The following ANKRD13C variants were observed in gnomAD, a reference collection of about 807,000 sequenced individuals.
ANKRD13C encodes the protein ankyrin repeat domain-containing protein 13C.
In ANKRD13C, 16 loss-of-function variants were observed where a neutral mutation model predicts 65.5. The ratio of observed to expected loss-of-function variants is 0.24; its 90% CI spans 0.17 to 0.37. The LOEUF (loss-of-function observed/expected upper bound fraction) is 0.37, where lower values mean the gene tolerates loss of function less well. ANKRD13C is among the 10% of genes least tolerant of loss of function. The probability of loss-of-function intolerance (pLI) is 1.00; values close to 1 mark genes in which losing one functional copy is unlikely to be tolerated. For synonymous variants in ANKRD13C, 235 were observed against 238.7 expected (o/e 0.98, Z 0.14); for missense variants, 503 against 655.9 (o/e 0.77, Z 2.55).
At chr1:70,267,199 T>C (rs578074606) in intron 12 of ANKRD13C, among the ~76,000 whole-genome samples, 60 of 152,312 alleles carry the variant, frequency 3.9e-4, no homozygotes, top group African/African-American at 1.4e-3. Flanking sequence ...TCTAATAATT[T>C]TCTTTGCTCT....
chr1:70,298,343 T>C (rs1240246178), intron 7 of ANKRD13C, among the ~76,000 whole-genome samples: 2 of 152,136 alleles, frequency 1.3e-5, no homozygotes, highest in African/African-American at 4.8e-5. Flanking sequence ...TTTTAATTAA[T>C]TACATTGCTT....
chr1:70,315,313 TCTA>T (rs1681028833), intron 4 of ANKRD13C, among the ~76,000 whole-genome samples, 165 bp downstream of exon 4: 1 of 152,134 alleles, frequency 6.6e-6, no homozygotes, highest in African/African-American at 2.4e-5. Flanking sequence ...CTGAGGTGCT[TCTA>T]CTAAGATCAC....
intron 3 of ANKRD13C, among the ~76,000 whole-genome samples, chr1:70,323,309 T>G (rs1302545052): frequency 6.6e-6 from 1 of 152,204 alleles, no homozygotes; most frequent in African/African-American, 2.4e-5. Flanking sequence ...ATTACAATTT[T>G]ATCTCAGTAA....
intron 1 of ANKRD13C, among the ~76,000 whole-genome samples, chr1:70,339,080 C>T (rs1014645767): frequency 6.6e-6 from 1 of 151,842 alleles, no homozygotes; most frequent in Non-Finnish European, 1.5e-5. Context: ...GGTGTGGTAG[C>T]GCACCCTGTA....
At position 70,262,047 on chromosome 1, in the gene ANKRD13C, C is replaced by A. The variant is rs1369004668; in HGVS notation, c.*670G>T. ...CACCACAATGAATTGCACTAAGGTGCTAAAGGAGGTACCTTATTCCCTGCA... is the reference window on the plus strand; with the variant it reads ...CACCACAATGAATTGCACTAAGGTGATAAAGGAGGTACCTTATTCCCTGCA... On this transcript the variant is annotated 3_prime_UTR_variant, in exon 13 of 13. Coordinates refer to ENST00000370944, the MANE Select transcript of ANKRD13C (RefSeq NM_030816.5). The A allele has an allele frequency of 1.3e-5, 2 of 152,304 alleles. No individual in the cohort carries two copies. Among genetic ancestry groups the A allele is most frequent in the Admixed American group, 6.6e-5 (1 of 15,244 alleles). 9.4% of individuals were successfully genotyped at this position (152,304 alleles called of 1,614,324 possible).
At chr1:70,308,302 A>G (rs755059379) in intron 5 of ANKRD13C, among the ~76,000 whole-genome samples, 1 of 152,132 alleles carries the variant, frequency 6.6e-6, no homozygotes, top group Non-Finnish European at 1.5e-5. Context: ...AGCCAACATT[A>G]TATCTTTTGA....
intron 5 of ANKRD13C, among the ~76,000 whole-genome samples, chr1:70,310,984 G>C (rs1680822135): frequency 6.6e-6 from 1 of 152,158 alleles, no homozygotes; most frequent in Non-Finnish European, 1.5e-5. Context: ...AGAGTAACAA[G>C]ACTGCATAAT....
At chr1:70,321,998 T>C (rs558070203) in intron 3 of ANKRD13C, among the ~76,000 whole-genome samples, 21 of 152,294 alleles carry the variant, frequency 1.4e-4, no homozygotes, top group African/African-American at 5.1e-4. Context: ...AAAACTTAAA[T>C]CACAGTGCTT....
intron 5 of ANKRD13C, among the ~76,000 whole-genome samples, chr1:70,308,688 G>A (rs1164423280): frequency 1.4e-5 from 2 of 146,600 alleles, no homozygotes; most frequent in Non-Finnish European, 3.0e-5. Flanking sequence ...GCAGTGAGCC[G>A]AGATTGCGCC....
intron 7 of ANKRD13C, among the ~76,000 whole-genome samples, chr1:70,296,737 T>C (rs1189744812): frequency 2.0e-5 from 3 of 151,918 alleles, no homozygotes; most frequent in Non-Finnish European, 4.4e-5. Context: ...TCCCAATAAA[T>C]TGTAAGTGGA....
intron 10 of ANKRD13C, among the ~76,000 whole-genome samples, chr1:70,275,131 T>A (rs979155690): frequency 1.3e-5 from 2 of 152,214 alleles, no homozygotes; most frequent in South Asian, 4.1e-4. Context: ...AAGGTATTAT[T>A]GTATATCTTT....
chr1:70,319,582 G>A (rs1213785112), intron 3 of ANKRD13C, among the ~76,000 whole-genome samples: 1 of 137,438 alleles, frequency 7.3e-6, no homozygotes, highest in Non-Finnish European at 1.5e-5. Context: ...ATTCCAGCCT[G>A]AGCAACAAGA....
intron 2 of ANKRD13C, among the ~76,000 whole-genome samples, chr1:70,331,277 T>C (rs960535426): frequency 6.6e-6 from 1 of 151,906 alleles, no homozygotes; most frequent in African/African-American, 2.4e-5. Context: ...GAACACTAAG[T>C]AGGCCAGGCG....
intron 1 of ANKRD13C, among the ~76,000 whole-genome samples, chr1:70,337,674 T>G (rs1271286244): frequency 1.3e-5 from 2 of 152,208 alleles, no homozygotes; most frequent in Non-Finnish European, 2.9e-5. Flanking sequence ...GAAAATCTCT[T>G]GATCTTAACT....
chr1:70,295,321 C>T (rs945503899), intron 8 of ANKRD13C, among the ~76,000 whole-genome samples: 2 of 151,914 alleles, frequency 1.3e-5, no homozygotes, highest in Admixed American at 6.6e-5. Context: ...CATCTCGGCT[C>T]ACTGTAACCT....
At chr1:70,308,463 C>T (rs553869685) in intron 5 of ANKRD13C, among the ~76,000 whole-genome samples, 30 of 151,634 alleles carry the variant, frequency 2.0e-4, no homozygotes, top group African/African-American at 6.8e-4. Context: ...AAGGGCAAGG[C>T]GCGGTGGCTC....
chr1:70,274,339 T>C lies in ANKRD13C; in HGVS notation c.1394+381A>G, dbSNP rs570366107. ...AAATACAAAAATTAGCCGGGCGTGG[T>C]GGTGGGCACCTATAATCCCAGCTAC... is the stretch of plus-strand genomic sequence containing the variant. On this transcript the variant is annotated intron_variant, in intron 11 of 12. Transcript: ENST00000370944. Among the ~76,000 whole-genome samples, 40 of 151,534 alleles carry C rather than the reference T, an allele frequency of 2.6e-4. 1 individual carries two copies. The South Asian group carries it at 7.7e-3, about 29-fold the overall frequency.
chr1:70,339,528 AG>A (rs1682210007), intron 1 of ANKRD13C, among the ~76,000 whole-genome samples: 1 of 151,912 alleles, frequency 6.6e-6, no homozygotes, highest in Non-Finnish European at 1.5e-5. Context: ...CATGTTGCCC[AG>A]GCTGGTCTCA....
At position 70,329,507 on chromosome 1, in the gene ANKRD13C, T is replaced by C. The variant is rs971297821; in HGVS notation, c.473-4550A>G. Among the ~76,000 whole-genome samples the C allele has an allele frequency of 5.3e-5, 8 of 150,060 alleles. No homozygotes were observed. The Admixed American group carries it at 5.3e-4, about 10-fold the overall frequency. ...CTGCACTCCAGCCTGGGCAACAAAG[T>C]GAGACTCTGTCTCAAAAAAAAAGAA... On this transcript the variant is annotated intron_variant, in intron 2 of 12. Transcript: ENST00000370944.
Sources: gnomAD v4.1 joint callset for allele counts (sites outside exome capture counted in the v4.1 genomes callset) on GRCh38, gnomAD v4.1.1 for gene constraint, MANE v1.5 for transcripts, NCBI Gene and HGNC (gene_info 2026-07-23, HGNC 2026-07-21) for gene names.